DLG2: variants seen among roughly 807,000 people sequenced by gnomAD.
DLG2 encodes disks large homolog 2.
Under a neutral mutation model 132.5 loss-of-function variants are expected in DLG2, and 45 were observed. The ratio of observed to expected loss-of-function variants is 0.34; its 90% CI spans 0.27 to 0.44. The LOEUF is 0.44. DLG2 is among the 20% of genes least tolerant of loss of function. DLG2 has a pLI of 1.00. For missense variants in DLG2, 1,045 were observed against 1,196.9 expected (o/e 0.87, Z 1.87); for synonymous variants, 424 against 419.6 (o/e 1.01, Z -0.13).
At chr11:84,000,102 T>C (rs2094265645) in intron 11 of DLG2, among the ~76,000 whole-genome samples, 1 of 152,054 alleles carries the variant, frequency 6.6e-6, no homozygotes, top group Non-Finnish European at 1.5e-5. Context: ...AAGAGAATTA[T>C]GAAAACCAAT....
intron 3 of DLG2, among the ~76,000 whole-genome samples, chr11:85,428,349 T>C (rs887399324): frequency 6.6e-6 from 1 of 152,142 alleles, no homozygotes; most frequent in Non-Finnish European, 1.5e-5. Context: ...ACACCCCACT[T>C]ATTCCAAAAT....
intron 6 of DLG2, among the ~76,000 whole-genome samples, chr11:84,664,664 G>T (rs569880060): frequency 1.3e-5 from 2 of 152,048 alleles, no homozygotes; most frequent in Non-Finnish European, 2.9e-5. Context: ...GGCACTGTGG[G>T]CCAAAAAGCT....
intron 10 of DLG2, among the ~76,000 whole-genome samples, chr11:84,076,844 A>G (rs1343888786): frequency 6.6e-6 from 1 of 152,230 alleles, no homozygotes; most frequent in Non-Finnish European, 1.5e-5. Context: ...TATGTTTGCT[A>G]ATAATTCCAA....
rs190574176 is a variant in DLG2 at position 84,533,054 on chromosome 11, A to T, written c.519+1516T>A. 5.1e-3 allele frequency among the ~76,000 whole-genome samples: 753 copies of T among 146,502 alleles called. 12 individuals carry two copies. The highest frequency in any genetic ancestry group is 0.026 in the Admixed American group (392 of 14,978). On this transcript the variant is annotated intron_variant, in intron 7 of 27. Coordinates refer to ENST00000376104, the MANE Select transcript of DLG2 (RefSeq NM_001142699.3). ...GACAATTTTGTTTACCCTTCTGCGG[A>T]AGAAGGAGTCTTTTCTACAAAACCT...
intron 3 of DLG2, among the ~76,000 whole-genome samples, chr11:85,400,096 A>G (rs2087896641): frequency 6.6e-6 from 1 of 152,110 alleles, no homozygotes; most frequent in Non-Finnish European, 1.5e-5. Flanking sequence ...AAAAAAACAA[A>G]CAACCCCATC....
At chr11:84,812,310 A>T (rs2076644547) in intron 6 of DLG2, among the ~76,000 whole-genome samples, 1 of 152,178 alleles carries the variant, frequency 6.6e-6, no homozygotes. Flanking sequence ...ATAAACTCAC[A>T]AACATACTTG....
At chr11:85,004,503 C>T (rs1231790941) in intron 6 of DLG2, among the ~76,000 whole-genome samples, 1 of 152,090 alleles carries the variant, frequency 6.6e-6, no homozygotes, top group Non-Finnish European at 1.5e-5. Flanking sequence ...TGTTTGTTGG[C>T]CACATCAGTG....
intron 4 of DLG2, among the ~76,000 whole-genome samples, chr11:85,222,683 A>G (rs564579423): frequency 2.0e-5 from 3 of 152,296 alleles, no homozygotes; most frequent in Non-Finnish European, 4.4e-5. Context: ...GCTTTTAACT[A>G]CTCTGCTATG....
At chr11:83,829,783 C>T (rs2153995370) in intron 17 of DLG2, among the ~76,000 whole-genome samples, 1 of 151,904 alleles carries the variant, frequency 6.6e-6, no homozygotes, top group South Asian at 2.1e-4. Flanking sequence ...TTCTAGGGTA[C>T]ATGTGCACAA....
chr11:84,861,270 C>T (rs1355915993), intron 6 of DLG2, among the ~76,000 whole-genome samples: 1 of 152,026 alleles, frequency 6.6e-6, no homozygotes, highest in African/African-American at 2.4e-5. Context: ...GAAGAAAAAT[C>T]TTGGTTTGTT....
intron 19 of DLG2, among the ~76,000 whole-genome samples, chr11:83,574,762 G>T (rs566317913): frequency 6.6e-6 from 1 of 152,252 alleles, no homozygotes; most frequent in South Asian, 2.1e-4. Context: ...AAGCTACAGG[G>T]ATCAGGAGGT....
At chr11:85,086,236 C>T (rs931134224) in intron 6 of DLG2, among the ~76,000 whole-genome samples, 2 of 152,164 alleles carry the variant, frequency 1.3e-5, no homozygotes, top group Non-Finnish European at 2.9e-5. Flanking sequence ...TCAATTTGAT[C>T]TTATTTTTAG....
At chr11:85,349,436 A>G (rs1044843128) in intron 3 of DLG2, among the ~76,000 whole-genome samples, 6 of 152,194 alleles carry the variant, frequency 3.9e-5, no homozygotes, top group Middle Eastern at 3.4e-3. Flanking sequence ...TTATACTCAA[A>G]GTTCTAGGGT....
intron 10 of DLG2, among the ~76,000 whole-genome samples, chr11:84,094,238 A>G (rs769503932): frequency 2.6e-5 from 4 of 152,166 alleles, no homozygotes; most frequent in Non-Finnish European, 5.9e-5. Context: ...TGAAAAATGG[A>G]TAATAAATAA....
chr11:83,541,644 C>A, intron 20 of DLG2, 38 bp downstream of exon 20: 1 of 1,513,572 alleles, frequency 6.6e-7, no homozygotes, highest in Non-Finnish European at 8.9e-7. Context: ...CGCTGGATAG[C>A]TGACAAGCAA....
intron 6 of DLG2, among the ~76,000 whole-genome samples, chr11:85,051,209 A>C (rs1338543995): frequency 6.6e-6 from 1 of 152,176 alleles, no homozygotes; most frequent in East Asian, 1.9e-4. Context: ...TATAATCATC[A>C]CATTCTTACC....
At chr11:84,977,265 T>C (rs2055035659) in intron 6 of DLG2, among the ~76,000 whole-genome samples, 1 of 152,110 alleles carries the variant, frequency 6.6e-6, no homozygotes. Flanking sequence ...TCTAACTCTT[T>C]CTCTTTCTAT....
At chr11:83,734,216 G>A (rs1395603541) in intron 18 of DLG2, among the ~76,000 whole-genome samples, 2 of 152,054 alleles carry the variant, frequency 1.3e-5, no homozygotes, top group Non-Finnish European at 2.9e-5. Context: ...TATTCATAGA[G>A]GTCACGGTGA....
At chr11:84,769,195 A>C (rs1331205278) in intron 6 of DLG2, among the ~76,000 whole-genome samples, 2 of 152,148 alleles carry the variant, frequency 1.3e-5, no homozygotes, top group Non-Finnish European at 2.9e-5. Context: ...ATTTCAAGGA[A>C]GCTAACTGAG....
Sources: allele counts gnomAD v4.1 joint callset (sites outside exome capture counted in the v4.1 genomes callset), GRCh38; gene constraint gnomAD v4.1.1; transcripts MANE v1.5; gene names NCBI Gene and HGNC (gene_info 2026-07-23, HGNC 2026-07-21).